The following CACNA1E variants were observed in gnomAD, a reference collection of about 807,000 sequenced individuals.
CACNA1E encodes voltage-dependent R-type calcium channel subunit alpha-1E.
A neutral mutation model predicts 259.2 loss-of-function variants in CACNA1E; 40 were observed. The observed-to-expected ratio is 0.15, with a 90% CI of 0.12 to 0.20. The LOEUF is 0.20. Among genes scored for constraint, CACNA1E ranks in the 10% least tolerant of loss-of-function variants. CACNA1E has a pLI of 1.00. For missense variants in CACNA1E, 1,874 were observed against 3,040.1 expected, an observed-to-expected ratio of 0.62 and a Z score of 9.02; for synonymous variants, 1,104 against 1,138.5, an observed-to-expected ratio of 0.97 and a Z score of 0.61.
chr1:181,506,243 G>T (rs4126691), intron 1 of CACNA1E, among the ~76,000 whole-genome samples: 48 of 152,340 alleles, frequency 3.2e-4, no homozygotes, highest in African/African-American at 1.2e-3. Context: ...AGGTTGAGGG[G>T]CACTAGCTTG....
intron 7 of CACNA1E, among the ~76,000 whole-genome samples, chr1:181,706,378 C>T (rs893921670): frequency 1.3e-5 from 2 of 152,094 alleles, no homozygotes; most frequent in African/African-American, 2.4e-5. Flanking sequence ...TGCTTTGTTT[C>T]GCAGGTCTGG....
chr1:181,320,850 CTT>C (rs1292051917), intron 1 of CACNA1E, among the ~76,000 whole-genome samples: 2 of 152,156 alleles, frequency 1.3e-5, no homozygotes, highest in African/African-American at 2.4e-5. Context: ...TGGTGTCCGT[CTT>C]AGTCCATTTT....
At chr1:181,620,502 G>T (rs1015690745) in intron 6 of CACNA1E, among the ~76,000 whole-genome samples, 6 of 152,152 alleles carry the variant, frequency 3.9e-5, no homozygotes, top group Non-Finnish European at 8.8e-5. Flanking sequence ...TGACCAATGG[G>T]CTGGAGATCA....
chr1:181,402,868 A>G (rs549472270), intron 1 of CACNA1E, among the ~76,000 whole-genome samples: 1 of 152,364 alleles, frequency 6.6e-6, no homozygotes, highest in African/African-American at 2.4e-5. Flanking sequence ...TAGGTAAGGA[A>G]TCAGATTTTG....
chr1:181,647,499 G>C (rs577174974), intron 6 of CACNA1E, among the ~76,000 whole-genome samples: 50 of 152,148 alleles, frequency 3.3e-4, no homozygotes, highest in Non-Finnish European at 1.5e-4. Context: ...AGACAGACAC[G>C]TGCACACCAC....
At chr1:181,734,156 GA>G (rs1655803685) in intron 21 of CACNA1E, among the ~76,000 whole-genome samples, 1 of 152,058 alleles carries the variant, frequency 6.6e-6, no homozygotes, top group African/African-American at 2.4e-5. Flanking sequence ...AGTGATCTTG[GA>G]AAAATCTCTG....
chr1:181,447,264 T>C (rs1192383421), intron 2 of CACNA1E, among the ~76,000 whole-genome samples: 1 of 152,016 alleles, frequency 6.6e-6, no homozygotes, highest in African/African-American at 2.4e-5. Flanking sequence ...TGGTGGCTCA[T>C]GCCTTCATTC....
intron 1 of CACNA1E, among the ~76,000 whole-genome samples, chr1:181,393,179 A>G (rs1304223933): frequency 6.6e-6 from 1 of 152,110 alleles, no homozygotes; most frequent in African/African-American, 2.4e-5. Flanking sequence ...GCTGTGGGGG[A>G]AGGCTGCCGG....
At chr1:181,455,282 G>A (rs1272509290) in intron 2 of CACNA1E, among the ~76,000 whole-genome samples, 2 of 152,134 alleles carry the variant, frequency 1.3e-5, no homozygotes, top group East Asian at 1.9e-4. Flanking sequence ...CAGAGTGAAG[G>A]GGAGGAGCAA....
At chr1:181,470,208 T>A (rs1021641995) in intron 2 of CACNA1E, among the ~76,000 whole-genome samples, 4 of 151,994 alleles carry the variant, frequency 2.6e-5, no homozygotes, top group African/African-American at 7.3e-5. Context: ...ATTTTTTTTT[T>A]TATAGATAGG....
intron 27 of CACNA1E, among the ~76,000 whole-genome samples, chr1:181,754,567 A>T (rs551314587): frequency 2.0e-5 from 3 of 152,210 alleles, no homozygotes. Context: ...GTAAGTCCCT[A>T]GTTCTATCTA....
At chr1:181,428,962 A>AT (rs1298134698) in intron 2 of CACNA1E, among the ~76,000 whole-genome samples, 1 of 152,116 alleles carries the variant, frequency 6.6e-6, no homozygotes, top group East Asian at 1.9e-4. Flanking sequence ...TGGGTGGATC[A>AT]TTTGAGGTCA....
chr1:181,750,575 C>T (rs567192798), intron 26 of CACNA1E, 88 bp downstream of exon 26: 29 of 1,229,272 alleles, frequency 2.4e-5, no homozygotes, highest in South Asian at 1.1e-4. Context: ...GAGGGGCTCA[C>T]GCACTGAGAA....
At chr1:181,743,998 G>T (rs1399455039) in intron 25 of CACNA1E, among the ~76,000 whole-genome samples, 1 of 152,244 alleles carries the variant, frequency 6.6e-6, no homozygotes, top group Non-Finnish European at 1.5e-5. Context: ...TTGTAGCAGG[G>T]CATGGGGTGA....
chr1:181,669,341 T>C (rs568935582), intron 7 of CACNA1E, among the ~76,000 whole-genome samples: 1 of 152,296 alleles, frequency 6.6e-6, no homozygotes, highest in Non-Finnish European at 1.5e-5. Flanking sequence ...CAACGATTCC[T>C]CTGCCTTAGC....
intron 7 of CACNA1E, among the ~76,000 whole-genome samples, chr1:181,697,729 A>G (rs1260299596): frequency 6.6e-6 from 1 of 152,260 alleles, no homozygotes; most frequent in African/African-American, 2.4e-5. Context: ...GACATCAAAT[A>G]TCTGTAAAAT....
chr1:181,573,540 A>G (rs758615118), intron 3 of CACNA1E, among the ~76,000 whole-genome samples: 3 of 152,206 alleles, frequency 2.0e-5, no homozygotes, highest in Non-Finnish European at 2.9e-5. Context: ...GGAAGATCCC[A>G]CGGGACAGGA....
chr1:181,664,643 C>T (rs1215720966), intron 7 of CACNA1E, among the ~76,000 whole-genome samples: 2 of 152,052 alleles, frequency 1.3e-5, no homozygotes, highest in Non-Finnish European at 2.9e-5. Context: ...AAAAATTAAT[C>T]TCTAGTGTCT....
intron 38 of CACNA1E, chr1:181,779,502 G>T (rs1353784517): frequency 2.2e-6 from 1 of 455,044 alleles, no homozygotes; most frequent in East Asian, 7.0e-5. Context: ...CCTCCTCTGG[G>T]CCTGGGAGAG....
Sources: allele counts gnomAD v4.1 joint callset (sites outside exome capture counted in the v4.1 genomes callset), GRCh38; gene constraint gnomAD v4.1.1; transcripts MANE v1.5; gene names NCBI Gene and HGNC (gene_info 2026-07-23, HGNC 2026-07-21).